Variants in LAMA2 observed in about 807,000 individuals in gnomAD.
LAMA2 encodes laminin subunit alpha-2.
In LAMA2, 269 loss-of-function variants were observed where a neutral mutation model predicts 364.8. The ratio of observed to expected loss-of-function variants is 0.74; its 90% CI spans 0.67 to 0.82. The LOEUF is 0.82. Ranked by LOEUF, LAMA2 falls within the 40% of genes least tolerant of loss-of-function variation. The probability of loss-of-function intolerance (pLI) is 0.00; values close to 1 mark genes in which losing one functional copy is unlikely to be tolerated. For missense variants in LAMA2, 3,807 were observed against 3,873.2 expected (o/e 0.98, Z 0.45); for synonymous variants, 1,379 against 1,370.6 (o/e 1.01, Z -0.14).
At chr6:129,145,864 A>G (rs1778403106) in intron 5 of LAMA2, among the ~76,000 whole-genome samples, 1 of 151,976 alleles carries the variant, frequency 6.6e-6, no homozygotes, top group Non-Finnish European at 1.5e-5. Flanking sequence ...AAGCATTTAC[A>G]AATACTACTG....
intron 11 of LAMA2, among the ~76,000 whole-genome samples, chr6:129,191,663 C>T (rs537892662): frequency 1.8e-3 from 276 of 152,040 alleles, no homozygotes; most frequent in African/African-American, 6.5e-3. Context: ...CAGGTTGTAC[C>T]TGGTTTCTAT....
At chr6:129,483,070 A>C (rs1331175384) in intron 55 of LAMA2, among the ~76,000 whole-genome samples, 8 of 150,376 alleles carry the variant, frequency 5.3e-5, no homozygotes, top group African/African-American at 7.3e-5. Context: ...CCGACTCGAA[A>C]AAAAAAAAAA....
Position 129,516,255 on chromosome 6 carries a change from C to G in LAMA2, c.9277C>G (p.Leu3093Val), listed in dbSNP as rs751194768. The G allele has an allele frequency of 6.2e-7, 1 of 1,614,008 alleles. No homozygotes were observed. The highest frequency in any genetic ancestry group is 1.3e-5 in the African/African-American group (1 of 74,914). Reference protein sequence around the residue: ...PFRGCIRSLKLTKGTGKPLEV... With the variant: ...PFRGCIRSLKVTKGTGKPLEV... Reference sequence around the variant, plus strand: ...CCGAGGTTGCATCAGATCCCTGAAGCTCACCAAAGGCACAGGCAAGCCACT... The same window carrying G: ...CCGAGGTTGCATCAGATCCCTGAAGGTCACCAAAGGCACAGGCAAGCCACT... The change falls in exon 65 of 65, where the codon CTC becomes GTC. Residue 3093 changes from leucine to valine, a missense_variant. Leu to Val is a conservative substitution (Grantham distance 32). Transcript: ENST00000421865.
chr6:129,508,832 C>A (rs902011862), intron 62 of LAMA2, among the ~76,000 whole-genome samples: 4 of 152,094 alleles, frequency 2.6e-5, no homozygotes, highest in African/African-American at 9.7e-5. Flanking sequence ...CGTGGGAGTG[C>A]AGATATCTCT....
chr6:129,347,467 A>G (rs187991721), intron 30 of LAMA2, among the ~76,000 whole-genome samples: 164 of 152,314 alleles, frequency 1.1e-3, no homozygotes, highest in African/African-American at 3.7e-3. Flanking sequence ...AGGACATGCC[A>G]TAGATCCAAC....
rs145296136 is a variant in LAMA2, at chr6:128,970,619, C to T, written c.113-79299C>T. ...CTCTCAAAAATTTATGCCGGAACAT[C>T]AACAAATAAATTTGCATTACAAAAT... On this transcript the variant is annotated intron_variant, in intron 1 of 64. Transcript: ENST00000421865. 6.0e-3 allele frequency among the ~76,000 whole-genome samples: 915 copies of T among 152,278 alleles called. 8 individuals carry two copies. Among genetic ancestry groups the T allele is most frequent in the Non-Finnish European group, 0.01 (706 of 68,002 alleles).
At chr6:129,495,778 CAAAAT>C (rs1785142731) in intron 58 of LAMA2, among the ~76,000 whole-genome samples, 1 of 151,800 alleles carries the variant, frequency 6.6e-6, no homozygotes, top group Non-Finnish European at 1.5e-5. Context: ...CCTTTTTTCT[CAAAAT>C]AAAGATACTT....
chr6:129,184,395 A>G (rs570808408), intron 10 of LAMA2, among the ~76,000 whole-genome samples: 14 of 151,970 alleles, frequency 9.2e-5, no homozygotes, highest in African/African-American at 2.9e-4. Flanking sequence ...ATGTTAGTCA[A>G]TTTTTTACAT....
At chr6:129,095,756 A>G (rs963720703) in intron 3 of LAMA2, among the ~76,000 whole-genome samples, 1 of 112,056 alleles carries the variant, frequency 8.9e-6, no homozygotes, top group Non-Finnish European at 2.0e-5. Flanking sequence ...ACTAAATACA[A>G]AAAAAAAAAA....
intron 3 of LAMA2, among the ~76,000 whole-genome samples, chr6:129,093,647 T>A (rs1186782115): frequency 1.3e-5 from 2 of 152,224 alleles, no homozygotes; most frequent in Non-Finnish European, 2.9e-5. Flanking sequence ...CTTAATACTC[T>A]TCTTATTATA....
At chr6:129,454,712 A>G (rs1026537001) in intron 47 of LAMA2, among the ~76,000 whole-genome samples, 1 of 152,300 alleles carries the variant, frequency 6.6e-6, no homozygotes. Context: ...AAAACACTGA[A>G]ATTCTTATGT....
chr6:129,271,897 T>C (rs974064518), intron 17 of LAMA2, among the ~76,000 whole-genome samples: 5 of 152,268 alleles, frequency 3.3e-5, no homozygotes, highest in Admixed American at 1.3e-4. Context: ...ATTAAAATGG[T>C]CTTTTGTTAG....
At chr6:128,912,005 G>C (rs1307334987) in intron 1 of LAMA2, among the ~76,000 whole-genome samples, 1 of 152,042 alleles carries the variant, frequency 6.6e-6, no homozygotes, top group Admixed American at 6.5e-5. Context: ...AACATTTTCC[G>C]TTGAATGAAT....
At chr6:129,157,466 T>C in intron 8 of LAMA2, 3 of 1,591,982 alleles carry the variant, frequency 1.9e-6, no homozygotes, top group Admixed American at 3.3e-5. Context: ...ATTCCACCCA[T>C]GCCATGGGTA....
intron 31 of LAMA2, among the ~76,000 whole-genome samples, chr6:129,352,099 G>T (rs934396583): frequency 2.6e-5 from 4 of 152,222 alleles, no homozygotes; most frequent in Admixed American, 2.6e-4. Context: ...CTAACTGTTT[G>T]TTATATTTAC....
chr6:129,203,009 C>G (rs753014644), intron 12 of LAMA2, among the ~76,000 whole-genome samples: 18 of 152,196 alleles, frequency 1.2e-4, no homozygotes, highest in Non-Finnish European at 1.3e-4. Flanking sequence ...GCTGTAGGGC[C>G]TAACACCATG....
intron 1 of LAMA2, among the ~76,000 whole-genome samples, chr6:128,942,173 A>G (rs1460315766): frequency 2.0e-5 from 3 of 152,156 alleles, no homozygotes; most frequent in Non-Finnish European, 4.4e-5. Context: ...AGCTTTTTTC[A>G]TAGCCATAAC....
At chr6:128,995,074 T>C (rs1418310745) in intron 1 of LAMA2, among the ~76,000 whole-genome samples, 1 of 152,220 alleles carries the variant, frequency 6.6e-6, no homozygotes, top group Non-Finnish European at 1.5e-5. Context: ...GATTCTCCTA[T>C]AGATGAATCT....
intron 1 of LAMA2, among the ~76,000 whole-genome samples, chr6:128,976,498 A>AG (rs1261092076): frequency 6.6e-6 from 1 of 152,198 alleles, no homozygotes; most frequent in Non-Finnish European, 1.5e-5. Context: ...ACTGTGTAGT[A>AG]GGAACACAGG....
Sources: gnomAD v4.1 joint callset for allele counts (sites outside exome capture counted in the v4.1 genomes callset) on GRCh38, gnomAD v4.1.1 for gene constraint, MANE v1.5 for transcripts, NCBI Gene and HGNC (gene_info 2026-07-23, HGNC 2026-07-21) for gene names.